Variants in SEMA4A observed in about 807,000 individuals in gnomAD.
The protein encoded by SEMA4A is semaphorin 4A, also known as semaphorin-4A.
In SEMA4A, 52 loss-of-function variants were observed where a neutral mutation model predicts 72.5. That is an observed-to-expected ratio of 0.72 (90% CI 0.57 to 0.90). The LOEUF is 0.90. Among genes scored for constraint, SEMA4A ranks in the 40% least tolerant of loss-of-function variants. The pLI, the probability that SEMA4A is intolerant of heterozygous loss-of-function variation, is 0.00. For synonymous variants in SEMA4A, 369 were observed against 393.1 expected, an observed-to-expected ratio of 0.94 and a Z score of 0.73; for missense variants, 926 against 959.7, an observed-to-expected ratio of 0.96 and a Z score of 0.46.
intron 8 of SEMA4A, 88 bp from the exon 9 acceptor site, chr1:156,161,258 C>A: frequency 4.8e-6 from 3 of 625,098 alleles, no homozygotes; most frequent in Non-Finnish European, 6.4e-6. Flanking sequence ...ACTGGGGGGA[C>A]ACGCCGAGCT....
intron 10 of SEMA4A, among the ~76,000 whole-genome samples, chr1:156,165,165 G>C (rs1654043943): frequency 6.6e-6 from 1 of 152,096 alleles, no homozygotes; most frequent in Admixed American, 6.6e-5. Context: ...TCTGAAGACA[G>C]ACCTATTAGC....
Position 156,161,333 on chromosome 1 carries a change from C to T in SEMA4A, c.811-13C>T. The T allele has an allele frequency of 6.6e-7, 1 of 1,513,062 alleles. No homozygotes were observed. The highest frequency in any genetic ancestry group is 9.0e-7 in the Non-Finnish European group (1 of 1,106,476). 93.7% of individuals were successfully genotyped at this position (1,513,062 alleles called of 1,614,324 possible). A position where few individuals can be genotyped will look rare whatever the true frequency, so the allele number is the denominator to read the frequency against. ...GCGCCCGGGGCGCCCCCTGACTCCCCCTGTGCCCCCAGAATGACGTGGGCG... is the reference window on the plus strand; with the variant it reads ...GCGCCCGGGGCGCCCCCTGACTCCCTCTGTGCCCCCAGAATGACGTGGGCG... On this transcript the variant is annotated splice_polypyrimidine_tract_variant and intron_variant, in intron 8 of 14. Coordinates refer to ENST00000368285, the MANE Select transcript of SEMA4A (RefSeq NM_022367.4).
chr1:156,162,876 C>A, intron 9 of SEMA4A, 68 bp from the exon 10 acceptor site: 1 of 1,599,224 alleles, frequency 6.3e-7, no homozygotes, highest in Non-Finnish European at 8.6e-7. Flanking sequence ...TCACTGAGGG[C>A]CAGCGCTGGA....
At chr1:156,153,053 G>C (rs1239937718), upstream of SEMA4A, among the ~76,000 whole-genome samples, 2 of 152,116 alleles carry the variant, frequency 1.3e-5, no homozygotes, top group African/African-American at 4.8e-5. Context: ...AAATGTTCTG[G>C]GCTTTCTACT....
rs778631851 is a variant in SEMA4A, at chr1:156,172,866, T to G, written c.1175T>G (p.Met392Arg). The G allele has an allele frequency of 6.2e-7, 1 of 1,614,152 alleles. No individual in the cohort carries two copies. Among genetic ancestry groups the G allele is most frequent in the Non-Finnish European group, 8.5e-7 (1 of 1,180,026 alleles). The change falls in exon 11 of 15, where the codon ATG becomes AGG. Residue 392 changes from methionine (M) to arginine (R), a missense_variant. Transcript: ENST00000368285. Reference protein sequence around the residue: ...GPSSDKALTFMKDHFLMDEQV... With the variant: ...GPSSDKALTFRKDHFLMDEQV... ...TCCTCTGATAAGGCCCTGACCTTCA[T>G]GAAGGACCATTTCCTGATGGATGAG...
At chr1:156,167,423 G>A (rs568163283) in intron 10 of SEMA4A, among the ~76,000 whole-genome samples, 42 of 147,210 alleles carry the variant, frequency 2.9e-4, no homozygotes, top group African/African-American at 1.0e-3. Context: ...CCGGGAGGTC[G>A]AGGCTGCACC....
chr1:156,160,162 G>C (rs917044904), intron 6 of SEMA4A, among the ~76,000 whole-genome samples: 1 of 152,158 alleles, frequency 6.6e-6, no homozygotes, highest in African/African-American at 2.4e-5. Context: ...TACTTGGCAA[G>C]TGGTTCAGCT....
At chr1:156,161,696 G>A (rs986438161) in intron 9 of SEMA4A, 178 bp downstream of exon 9, 14 of 611,162 alleles carry the variant, frequency 2.3e-5, no homozygotes, top group South Asian at 2.1e-4. Context: ...TTTGTAAATG[G>A]GAAAAATAAG....
upstream of SEMA4A, among the ~76,000 whole-genome samples, chr1:156,151,085 G>A (rs531935355): frequency 6.6e-6 from 1 of 152,330 alleles, no homozygotes; most frequent in African/African-American, 2.4e-5. Context: ...CGGTTGTCAG[G>A]AAGGGTATGT....
rs1489602912 is a variant in SEMA4A, at chr1:156,163,031, G to A, written c.1071G>A (p.Leu357=). The stretch of plus-strand genomic sequence containing the variant: ...TCTTTAAGGGGAAATACAAAGAGTT[G>A]AACAAAGAAACTTCACGCTGGACTA... ...ERVFKGKYKE[L]NKETSRWTTY... Residue 357 remains leucine (L), a synonymous_variant, in exon 10 of 15, where the codon TTG becomes TTA. Transcript: ENST00000368285. 6.2e-6 allele frequency: 10 copies of A among 1,614,042 alleles called. No homozygotes were observed. The highest frequency in any genetic ancestry group is 8.5e-6 in the Non-Finnish European group (10 of 1,180,048).
chr1:156,151,705 A>G (rs1652546062), upstream of SEMA4A, among the ~76,000 whole-genome samples: 1 of 151,882 alleles, frequency 6.6e-6, no homozygotes, highest in Non-Finnish European at 1.5e-5. Context: ...GCTTGGTGGC[A>G]CATGCCTGTA....
At position 156,156,507 on chromosome 1, in the gene SEMA4A, T is replaced by C; in HGVS notation, c.233T>C (p.Val78Ala). ...AGTGGTGATGGAAATACTCTCTACG[T>C]GGGGGCTCGAGAAGCCATTCTGGCC... ...LLSGDGNTLYVGAREAILALD... is the reference protein window; with the variant it reads ...LLSGDGNTLYAGAREAILALD... Residue 78 changes from valine (V) to alanine (A), a missense_variant, in exon 3 of 15, where the codon GTG (valine) becomes GCG (alanine). Val to Ala is a moderately conservative substitution (Grantham distance 64). Coordinates refer to ENST00000368285, the MANE Select transcript of SEMA4A (RefSeq NM_022367.4). 1 of 1,614,076 alleles carries C rather than the reference T, an allele frequency of 6.2e-7. No homozygotes were observed. The highest frequency in any genetic ancestry group is 2.2e-5 in the East Asian group (1 of 44,878).
In SEMA4A at chr1:156,177,094, A is replaced by T; in HGVS notation, c.*97A>T. The stretch of plus-strand genomic sequence containing the variant: ...GACTAGGATGACAGCAGCACAAAAG[A>T]CCACCTTTCTCCCCTGAGAGGAGCT... On this transcript the variant is annotated 3_prime_UTR_variant, in exon 15 of 15. Coordinates refer to ENST00000368285, the MANE Select transcript of SEMA4A (RefSeq NM_022367.4). 1 of 1,047,916 alleles carries T rather than the reference A, an allele frequency of 9.5e-7. No individual in the cohort carries two copies. The highest frequency in any genetic ancestry group is 1.3e-5 in the South Asian group (1 of 76,624). 64.9% of individuals were successfully genotyped at this position (1,047,916 alleles called of 1,614,324 possible).
rs1349910860 is a variant in SEMA4A at position 156,175,217 on chromosome 1, C to A, written c.1566C>A (p.Thr522=). Residue 522 remains threonine (T), a synonymous_variant, in exon 13 of 15, where the codon ACC becomes ACA. Coordinates refer to ENST00000368285, the MANE Select transcript of SEMA4A (RefSeq NM_022367.4). ...PHCAWDPESR[T]CCLLSAPNLN... is the part of the protein sequence containing the mutation. ...GTGCCTGGGACCCTGAGTCCCGAAC[C>A]TGTTGCCTCCTGTCTGCCCCCAACC... is the stretch of plus-strand genomic sequence containing the variant. 6.2e-7 allele frequency: 1 copy of A among 1,613,326 alleles called. No homozygotes were observed. The highest frequency in any genetic ancestry group is 8.5e-7 in the Non-Finnish European group (1 of 1,179,498).
intron 6 of SEMA4A, among the ~76,000 whole-genome samples, chr1:156,159,543 C>T (rs11588323): frequency 0.28 from 43,073 of 151,926 alleles, 7,049 homozygotes; most frequent in Non-Finnish European, 0.37. Context: ...TGAGACTGAG[C>T]CACTGTTCAA....
At chr1:156,155,417 G>A (rs1246545348) in intron 2 of SEMA4A, 1 of 152,660 alleles carries the variant, frequency 6.6e-6, no homozygotes, top group Non-Finnish European at 1.5e-5. Context: ...CCTCTGTGTT[G>A]GATGCTGGGC....
Position 156,154,665 on chromosome 1 carries a change from G to T in SEMA4A, c.87G>T (p.Thr29=). 2 of 1,602,820 alleles carry T rather than the reference G, an allele frequency of 1.2e-6. No homozygotes were observed. Among genetic ancestry groups the T allele is most frequent in the East Asian group, 4.5e-5 (2 of 44,580 alleles). ...FQLLQLLLPT[T]TAGGGGQGPM... is the part of the protein sequence containing the mutation. Reference sequence around the variant, plus strand: ...TGCTTCAGCTGCTGCTGCCGACGACGACCGCGGGGGGAGGCGGGCAGGGGC... The same window carrying T: ...TGCTTCAGCTGCTGCTGCCGACGACTACCGCGGGGGGAGGCGGGCAGGGGC... Residue 29 remains threonine, a synonymous_variant, in exon 2 of 15, where the codon ACG becomes ACT. Transcript: ENST00000368285.
chr1:156,154,431 A>G (rs187313461), intron 1 of SEMA4A, 119 bp from the exon 2 acceptor site: 29 of 902,824 alleles, frequency 3.2e-5, no homozygotes, highest in Middle Eastern at 3.3e-4. Flanking sequence ...CTCTGCCCCA[A>G]TGCCCCACCC....
intron 2 of SEMA4A, chr1:156,155,036 C>G (rs1204064893): frequency 4.8e-6 from 2 of 417,604 alleles, no homozygotes; most frequent in East Asian, 4.8e-5. Flanking sequence ...CTGGGCACCT[C>G]AAACTCCTAA....
Sources: allele counts gnomAD v4.1 joint callset (sites outside exome capture counted in the v4.1 genomes callset), GRCh38; gene constraint gnomAD v4.1.1; transcripts MANE v1.5; gene names NCBI Gene and HGNC (gene_info 2026-07-23, HGNC 2026-07-21).